Variants in CNTNAP5 observed in about 807,000 individuals in gnomAD.
The protein encoded by CNTNAP5 is contactin associated protein family member 5.
CNTNAP5 carries 72 observed loss-of-function variants against 150.2 expected under a neutral mutation model. The ratio of observed to expected loss-of-function variants is 0.48; its 90% CI spans 0.40 to 0.58. The LOEUF (loss-of-function observed/expected upper bound fraction) is 0.58, where lower values mean the gene tolerates loss of function less well. Ranked by LOEUF, CNTNAP5 falls within the 20% of genes least tolerant of loss-of-function variation. CNTNAP5 has a pLI of 0.00. For synonymous variants in CNTNAP5, 672 were observed against 619.8 expected (o/e 1.08, Z -1.25); for missense variants, 1,636 against 1,626.2 (o/e 1.01, Z -0.10).
chr2:124,157,661 T>A (rs1478989058), intron 1 of CNTNAP5, among the ~76,000 whole-genome samples: 3 of 152,198 alleles, frequency 2.0e-5, no homozygotes, highest in African/African-American at 7.2e-5. Context: ...GTTATGTAAC[T>A]TCTTTGTGCT....
chr2:124,060,428 T>C (rs1681977393), intron 1 of CNTNAP5, among the ~76,000 whole-genome samples: 1 of 152,198 alleles, frequency 6.6e-6, no homozygotes, highest in Admixed American at 6.5e-5. Context: ...AGCTCCTCTG[T>C]AATTCACAGG....
chr2:124,904,090 C>T (rs1207289190), intron 22 of CNTNAP5, among the ~76,000 whole-genome samples: 1 of 143,376 alleles, frequency 7.0e-6, no homozygotes, highest in Non-Finnish European at 1.5e-5. Flanking sequence ...CAAAATGTAT[C>T]ATCTTCTGAC....
intron 11 of CNTNAP5, among the ~76,000 whole-genome samples, chr2:124,581,556 G>A (rs904521289): frequency 6.6e-6 from 1 of 152,194 alleles, no homozygotes; most frequent in Non-Finnish European, 1.5e-5. Context: ...AGTTCAGGCG[G>A]CAGGGACTGA....
intron 1 of CNTNAP5, among the ~76,000 whole-genome samples, chr2:124,038,753 A>G (rs983574353): frequency 6.6e-6 from 1 of 152,212 alleles, no homozygotes; most frequent in African/African-American, 2.4e-5. Context: ...TTCTTCATGT[A>G]GGTACCGTGT....
intron 11 of CNTNAP5, among the ~76,000 whole-genome samples, chr2:124,587,787 C>T (rs1031497129): frequency 6.6e-6 from 1 of 151,878 alleles, no homozygotes; most frequent in Non-Finnish European, 1.5e-5. Context: ...AATCACTAGT[C>T]GGAGCAGAAT....
At chr2:124,194,417 AAATAG>A (rs1685535408) in intron 1 of CNTNAP5, among the ~76,000 whole-genome samples, 2 of 72,684 alleles carry the variant, frequency 2.8e-5, no homozygotes, top group African/African-American at 9.9e-5. Context: ...ATATAAATAT[AAATAG>A]GTGTGCTGTA....
intron 3 of CNTNAP5, among the ~76,000 whole-genome samples, chr2:124,295,591 T>C (rs1430256): frequency 0.45 from 69,145 of 152,022 alleles, 15,866 homozygotes; most frequent in South Asian, 0.53. Context: ...GTGATACAAA[T>C]GAGTTTTCAT....
chr2:124,525,171 A>G (rs1445691136), intron 9 of CNTNAP5, among the ~76,000 whole-genome samples: 1 of 152,206 alleles, frequency 6.6e-6, no homozygotes, highest in Non-Finnish European at 1.5e-5. Context: ...TAGTCTTTCA[A>G]AAGTATTTTT....
chr2:124,787,289 T>C (rs1019966145), intron 17 of CNTNAP5, among the ~76,000 whole-genome samples: 2 of 152,186 alleles, frequency 1.3e-5, no homozygotes, highest in African/African-American at 2.4e-5. Flanking sequence ...CTCCTCTTTA[T>C]TCTACACACT....
chr2:124,693,662 A>G lies in CNTNAP5; in HGVS notation c.2077+45704A>G, dbSNP rs529382296. On this transcript the variant is annotated intron_variant, in intron 13 of 23. Transcript: ENST00000682447. Reference sequence around the variant, plus strand: ...GCCGTGGCTGAGACACAGATGTACCATAATGAGCTGTCCTTTCCCTACTGG... The same window carrying G: ...GCCGTGGCTGAGACACAGATGTACCGTAATGAGCTGTCCTTTCCCTACTGG... Among the ~76,000 whole-genome samples the G allele has an allele frequency of 4.6e-5, 7 of 152,212 alleles. No individual in the cohort carries two copies. In the East Asian group the frequency reaches 1.4e-3, roughly 29 times the overall value.
chr2:124,786,333 G>GAGAAAGAAAGAAAGGAAGGA (rs1681569346), intron 17 of CNTNAP5, among the ~76,000 whole-genome samples: 8 of 123,114 alleles, frequency 6.5e-5, no homozygotes, highest in East Asian at 2.6e-4. Context: ...AAGAAAGAAA[G>GAGAAAGAAAGAAAGGAAGGA]AGAAAGAAAG....
At chr2:124,149,850 T>C (rs1353040387) in intron 1 of CNTNAP5, among the ~76,000 whole-genome samples, 1 of 152,196 alleles carries the variant, frequency 6.6e-6, no homozygotes, top group Non-Finnish European at 1.5e-5. Context: ...ACAATCCCCT[T>C]GGCATCCGTG....
At chr2:124,615,424 C>T (rs926330291) in intron 12 of CNTNAP5, among the ~76,000 whole-genome samples, 8 of 152,118 alleles carry the variant, frequency 5.3e-5, no homozygotes, top group Admixed American at 6.6e-5. Context: ...TCTCAAGAAG[C>T]CACTTTATTT....
chr2:124,642,275 T>A (rs972589025), intron 12 of CNTNAP5, among the ~76,000 whole-genome samples: 1 of 152,154 alleles, frequency 6.6e-6, no homozygotes, highest in Non-Finnish European at 1.5e-5. Flanking sequence ...TTCTTTTCTC[T>A]TTTTGTTATT....
chr2:124,498,594 G>A (rs910883730), intron 7 of CNTNAP5, among the ~76,000 whole-genome samples: 9 of 152,216 alleles, frequency 5.9e-5, no homozygotes, highest in South Asian at 2.1e-4. Context: ...GAGCTACCAC[G>A]CTTGGCCTTC....
At chr2:124,472,207 A>G (rs536577568) in intron 6 of CNTNAP5, among the ~76,000 whole-genome samples, 1 of 152,212 alleles carries the variant, frequency 6.6e-6, no homozygotes, top group East Asian at 1.9e-4. Context: ...TCAGCTCATC[A>G]GTAGATCAAA....
chr2:124,026,495 A>G (rs1470989577), intron 1 of CNTNAP5, among the ~76,000 whole-genome samples: 2 of 152,236 alleles, frequency 1.3e-5, no homozygotes, highest in East Asian at 1.9e-4. Context: ...GGGATCCACC[A>G]ACTGCACTAT....
intron 17 of CNTNAP5, among the ~76,000 whole-genome samples, chr2:124,782,351 A>T (rs1390166558): frequency 1.3e-5 from 2 of 152,118 alleles, no homozygotes; most frequent in East Asian, 3.9e-4. Flanking sequence ...GCCTCTAGAT[A>T]TTTCAGTATT....
At chr2:124,682,700 C>A (rs1679094778) in intron 13 of CNTNAP5, among the ~76,000 whole-genome samples, 1 of 151,982 alleles carries the variant, frequency 6.6e-6, no homozygotes, top group Non-Finnish European at 1.5e-5. Flanking sequence ...ATTTATTTTG[C>A]CTGTATTTAT....
Sources: gnomAD v4.1 joint callset for allele counts (sites outside exome capture counted in the v4.1 genomes callset) on GRCh38, gnomAD v4.1.1 for gene constraint, MANE v1.5 for transcripts, NCBI Gene and HGNC (gene_info 2026-07-23, HGNC 2026-07-21) for gene names.